Variants in PCBP3 observed in about 807,000 individuals in gnomAD.
The protein encoded by PCBP3 is poly(rC)-binding protein 3.
In PCBP3, 25 loss-of-function variants were observed where a neutral mutation model predicts 52.7. That is an observed-to-expected ratio of 0.47 (90% CI 0.35 to 0.66). The LOEUF (loss-of-function observed/expected upper bound fraction) is 0.66, where lower values mean the gene tolerates loss of function less well. Among genes scored for constraint, PCBP3 ranks in the 30% least tolerant of loss-of-function variants. PCBP3 has a pLI of 0.01. For synonymous variants in PCBP3, 162 were observed against 183.0 expected (o/e 0.89, Z 0.93); for missense variants, 391 against 490.3 (o/e 0.80, Z 1.91).
chr21:45,790,677 G>T (rs894813049), intron 4 of PCBP3, among the ~76,000 whole-genome samples: 8 of 152,156 alleles, frequency 5.3e-5, no homozygotes, highest in African/African-American at 1.9e-4. Context: ...AGACGCAAAA[G>T]CTGAGGGCAG....
At chr21:45,786,474 A>ATT (rs2091169627) in intron 4 of PCBP3, among the ~76,000 whole-genome samples, 1 of 152,076 alleles carries the variant, frequency 6.6e-6, no homozygotes, top group Admixed American at 6.6e-5. Flanking sequence ...TATTTTTAGT[A>ATT]GAGATGGGGT....
chr21:45,896,117 G>T, intron 5 of PCBP3, 91 bp from the exon 6 acceptor site: 1 of 1,260,876 alleles, frequency 7.9e-7, no homozygotes. Context: ...CTGCCACCCG[G>T]GAGGCCGGAG....
chr21:45,795,328 T>TC (rs1555941273), intron 4 of PCBP3, among the ~76,000 whole-genome samples: 102 of 150,132 alleles, frequency 6.8e-4, no homozygotes, highest in Middle Eastern at 3.4e-3. Context: ...TTTTTTTTTT[T>TC]CCCCTTTCCT....
In PCBP3 at chr21:45,877,471, G is replaced by A. The variant is rs150863773; in HGVS notation, c.11-18737G>A. Among the ~76,000 whole-genome samples the A allele has an allele frequency of 2.5e-3, 376 of 152,244 alleles. 2 individuals carry two copies. The highest frequency in any genetic ancestry group is 8.7e-3 in the African/African-American group (363 of 41,534). ...TGGCAAATTTATCAGAATTTATAGT[G>A]GTACCAGTTTTAAACAGATTTTGCC... On this transcript the variant is annotated intron_variant, in intron 5 of 17. Transcript: ENST00000681687.
At chr21:45,693,082 C>T (rs2082575745) in intron 2 of PCBP3, among the ~76,000 whole-genome samples, 1 of 152,110 alleles carries the variant, frequency 6.6e-6, no homozygotes, top group Non-Finnish European at 1.5e-5. Flanking sequence ...CAAAATTCAA[C>T]ACCCACTAAT....
rs1474403526 is a variant in PCBP3, at chr21:45,805,359, G to T, written c.-125-44602G>T. On this transcript the variant is annotated intron_variant, in intron 4 of 17. Transcript: ENST00000681687. This position sits in a 1 kb window ranked among gnomAD's most constrained non-coding sequence, Gnocchi z 4.6. ...TGGAAGATTATGGGTGGGTGTGACTGGTAACAAGCAGGGGTTTGGCACCCC... is the reference window on the plus strand; with the variant it reads ...TGGAAGATTATGGGTGGGTGTGACTTGTAACAAGCAGGGGTTTGGCACCCC... Among the ~76,000 whole-genome samples the T allele has an allele frequency of 6.6e-6, 1 of 152,090 alleles. No individual in the cohort carries two copies. Among genetic ancestry groups the T allele is most frequent in the Non-Finnish European group, 1.5e-5 (1 of 68,006 alleles).
At chr21:45,694,549 A>G (rs2082659725) in intron 2 of PCBP3, among the ~76,000 whole-genome samples, 1 of 152,214 alleles carries the variant, frequency 6.6e-6, no homozygotes, top group African/African-American at 2.4e-5. Context: ...TGCATCTAAT[A>G]TTGTCTCCTT....
rs147079208 is a variant in PCBP3 at position 45,925,881 on chromosome 21, T to C, written c.718-4036T>C. Reference sequence around the variant, plus strand: ...ATAGCAAAAACTTGGCACACCTCTCTTTCCATGAGTGATAGGCCAAGTAGA... The same window carrying C: ...ATAGCAAAAACTTGGCACACCTCTCCTTCCATGAGTGATAGGCCAAGTAGA... On this transcript the variant is annotated intron_variant, in intron 13 of 17. Transcript: ENST00000681687. 3.6e-3 allele frequency among the ~76,000 whole-genome samples: 544 copies of C among 152,340 alleles called. 3 individuals carry two copies. The highest frequency in any genetic ancestry group is 0.013 in the African/African-American group (530 of 41,584).
chr21:45,756,672 A>G (rs1186578617), intron 4 of PCBP3, among the ~76,000 whole-genome samples: 2 of 152,174 alleles, frequency 1.3e-5, no homozygotes, highest in Non-Finnish European at 2.9e-5. Flanking sequence ...CAACCCCAGG[A>G]GCAGTCACTC....
intron 5 of PCBP3, among the ~76,000 whole-genome samples, chr21:45,887,684 G>A (rs962765685): frequency 6.6e-6 from 1 of 152,234 alleles, no homozygotes; most frequent in Non-Finnish European, 1.5e-5. Context: ...CTTTTTGAAT[G>A]TCTGTGCCTT....
intron 1 of PCBP3, among the ~76,000 whole-genome samples, chr21:45,660,067 G>A (rs769894328): frequency 2.6e-5 from 4 of 151,666 alleles, no homozygotes; most frequent in Non-Finnish European, 4.4e-5. Context: ...TGTTACTGTT[G>A]AACTGTCTGA....
chr21:45,786,648 A>G (rs2091185581), intron 4 of PCBP3, among the ~76,000 whole-genome samples: 1 of 152,168 alleles, frequency 6.6e-6, no homozygotes, highest in African/African-American at 2.4e-5. Context: ...ATTTTAAGTC[A>G]TTATTGTTAG....
chr21:45,923,360 A>G (rs896914149), intron 13 of PCBP3, among the ~76,000 whole-genome samples: 1 of 152,150 alleles, frequency 6.6e-6, no homozygotes, highest in Non-Finnish European at 1.5e-5. Flanking sequence ...CGGCTTGCCC[A>G]TGGCCCCACC....
At chr21:45,653,963 C>T (rs192798848) in intron 1 of PCBP3, among the ~76,000 whole-genome samples, 1 of 152,004 alleles carries the variant, frequency 6.6e-6, no homozygotes, top group East Asian at 1.9e-4. Context: ...GTAGTTATAC[C>T]TTTATCTTTC....
chr21:45,911,297 G>A (rs868620771), intron 11 of PCBP3: 23 of 495,366 alleles, frequency 4.6e-5, no homozygotes, highest in Middle Eastern at 3.0e-4. Context: ...TCTCATCTTC[G>A]GATTTGGGTA....
At chr21:45,679,805 TTCTG>T (rs747428642) in intron 2 of PCBP3, among the ~76,000 whole-genome samples, 12 of 152,372 alleles carry the variant, frequency 7.9e-5, no homozygotes, top group East Asian at 1.9e-4. Context: ...ATTCCTTCTA[TTCTG>T]TCTAAGTTTT....
At chr21:45,841,475 A>T (rs1166783122) in intron 4 of PCBP3, among the ~76,000 whole-genome samples, 3 of 151,654 alleles carry the variant, frequency 2.0e-5, no homozygotes, top group Non-Finnish European at 4.4e-5. Flanking sequence ...TTTTCTTGCC[A>T]TTCCACTTCT....
rs577717867 is a variant in PCBP3 at position 45,837,569 on chromosome 21, G to C, written c.-125-12392G>C. Among the ~76,000 whole-genome samples the C allele has an allele frequency of 2.6e-4, 40 of 152,316 alleles. No individual in the cohort carries two copies. Among genetic ancestry groups the C allele is most frequent in the Admixed American group, 4.6e-4 (7 of 15,312 alleles). ...TGTAGCCCTGGGTTGTCTGCCTCTT[G>C]GGGGTAGCGGCTGTGTGGAATGCCT... On this transcript the variant is annotated intron_variant, in intron 4 of 17. Coordinates refer to ENST00000681687, the MANE Select transcript of PCBP3 (RefSeq NM_001384156.1). This position sits in a 1 kb window ranked among gnomAD's most constrained non-coding sequence, Gnocchi z 4.1.
At chr21:45,794,209 A>G (rs936972610) in intron 4 of PCBP3, among the ~76,000 whole-genome samples, 2 of 152,222 alleles carry the variant, frequency 1.3e-5, no homozygotes, top group Non-Finnish European at 2.9e-5. Flanking sequence ...TTAATGATTT[A>G]CAAGGAACCA....
Sources: allele counts gnomAD v4.1 joint callset (sites outside exome capture counted in the v4.1 genomes callset), GRCh38; gene constraint gnomAD v4.1.1; non-coding constraint Gnocchi (gnomAD v3.1); transcripts MANE v1.5; gene names NCBI Gene and HGNC (gene_info 2026-07-23, HGNC 2026-07-21).